Variants in FBXO41 observed in about 807,000 individuals in gnomAD.
The protein encoded by FBXO41 is F-box protein 41.
FBXO41 carries 33 observed loss-of-function variants against 81.6 expected under a neutral mutation model. The observed-to-expected ratio is 0.40, with a 90% CI of 0.31 to 0.54. The LOEUF is 0.54. FBXO41 is among the 20% of genes least tolerant of loss of function. The pLI is 0.39. For synonymous variants in FBXO41, 576 were observed against 552.7 expected (o/e 1.04, Z -0.59); for missense variants, 1,107 against 1,236.0 (o/e 0.90, Z 1.56).
chr2:73,269,156 C>T lies in FBXO41; in HGVS notation c.475G>A (p.Ala159Thr). Residue 159 changes from alanine (A) to threonine (T), a missense_variant, in exon 2 of 13, where the codon GCC (alanine) becomes ACC (threonine). Coordinates refer to ENST00000520530, the MANE Select transcript of FBXO41 (RefSeq NM_001371389.2). The surrounding 1 kb of genome is among the most constrained non-coding windows in gnomAD (Gnocchi z 7.0). ...GCCGAGGACGCCACGGACTTGCGGG[C>T]GAACAGCTCCCCCAGCGGGATCTCG... ...EIEIPLGELF[A>T]RKSVASSACS... 1 of 1,523,360 alleles carries T rather than the reference C, an allele frequency of 6.6e-7. No individual in the cohort carries two copies. Among genetic ancestry groups the T allele is most frequent in the Non-Finnish European group, 8.8e-7 (1 of 1,141,134 alleles). The allele number at this position is 1,523,360 out of a possible 1,614,324, so 94.4% of individuals were successfully genotyped here. A position where few individuals can be genotyped will look rare whatever the true frequency, so the allele number is the denominator to read the frequency against.
rs894891432 is a variant in FBXO41, at chr2:73,265,606, A to T, written c.1240T>A (p.Ser414Thr). The T allele has an allele frequency of 6.6e-7, 1 of 1,525,976 alleles. No individual in the cohort carries two copies. Among genetic ancestry groups the T allele is most frequent in the Admixed American group, 2.1e-5 (1 of 46,850 alleles). 94.5% of individuals were successfully genotyped at this position (1,525,976 alleles called of 1,614,324 possible). A position where few individuals can be genotyped will look rare whatever the true frequency, so the allele number is the denominator to read the frequency against. Residue 414 changes from serine to threonine, a missense_variant, in exon 5 of 13, where the codon TCA (serine) becomes ACA (threonine). Ser to Thr is a moderately conservative substitution (Grantham distance 58). Around this residue, in one of 2 missense-constraint regions of FBXO41, gnomAD observed 771 missense variants for 789.2 expected, o/e 0.98. Coordinates refer to ENST00000520530, the MANE Select transcript of FBXO41 (RefSeq NM_001371389.2). ...AGACTGTCACTGTCATAGCAGCCTGAGCTCTGGGATGCGGCTGGCACACGG... is the reference window on the plus strand; with the variant it reads ...AGACTGTCACTGTCATAGCAGCCTGTGCTCTGGGATGCGGCTGGCACACGG... The part of the protein sequence containing the change: ...SSRVPAASQS[S>T]GCYDSDSLEL...
In FBXO41 at chr2:73,269,128, CACGCCGAGG is replaced by C; in HGVS notation, c.494_502del (p.Ser165_Ala167del). 1 of 1,515,956 alleles carries C rather than the reference CACGCCGAGG, an allele frequency of 6.6e-7. No homozygotes were observed. Among genetic ancestry groups the C allele is most frequent in the Non-Finnish European group, 8.8e-7 (1 of 1,138,868 alleles). The allele number at this position is 1,515,956 out of a possible 1,614,324, so 93.9% of individuals were successfully genotyped here. On this transcript the variant is annotated inframe_deletion, in exon 2 of 13. Coordinates refer to ENST00000520530, the MANE Select transcript of FBXO41 (RefSeq NM_001371389.2). This position sits in a 1 kb window ranked among gnomAD's most constrained non-coding sequence, Gnocchi z 7.0. ...GCCGGGGCCAGGCGGCGGCGTCGAG[CACGCCGAGG>C]ACGCCACGGACTTGCGGGCGAACAG...
Position 73,265,547 on chromosome 2 carries a change from C to A in FBXO41, c.1299G>T (p.Glu433Asp). 6.3e-7 allele frequency: 1 copy of A among 1,586,500 alleles called. No homozygotes were observed. Among genetic ancestry groups the A allele is most frequent in the African/African-American group, 1.3e-5 (1 of 74,280 alleles). ...ELPRPEEGAP[E>D]DSGPGGLGTR... ...TGCCCAAGCCCCCAGGGCCACTGTC[C>A]TCAGGGGCCCCCTCCTCTGGCCTGG... The change falls in exon 5 of 13, where the codon GAG becomes GAT. Residue 433 changes from glutamate to aspartate, a missense_variant. Around this residue, in one of 2 missense-constraint regions of FBXO41, gnomAD observed 771 missense variants for 789.2 expected, o/e 0.98. Transcript: ENST00000520530.
At chr2:73,283,201 T>C (rs1247287564) in intron 1 of FBXO41, among the ~76,000 whole-genome samples, 2 of 152,132 alleles carry the variant, frequency 1.3e-5, no homozygotes, top group East Asian at 3.9e-4. Context: ...AGTAAAGGAA[T>C]GTCCACTGCC....
rs146216935 is a variant in FBXO41, at chr2:73,256,862, C to T, written c.*2120G>A. The T allele has an allele frequency of 1.6e-4, 25 of 152,836 alleles. No individual in the cohort carries two copies. The highest frequency in any genetic ancestry group is 5.8e-4 in the African/African-American group (24 of 41,548). 9.5% of individuals were successfully genotyped at this position (152,836 alleles called of 1,614,324 possible). A position where few individuals can be genotyped will look rare whatever the true frequency, so the allele number is the denominator to read the frequency against. ...GTGTGTACCACCCAGAGAGAAGTTG[C>T]CTAGAGCCTTGTATTCAGGGATGGA... On this transcript the variant is annotated 3_prime_UTR_variant, in exon 13 of 13. Coordinates refer to ENST00000520530, the MANE Select transcript of FBXO41 (RefSeq NM_001371389.2).
intron 9 of FBXO41, among the ~76,000 whole-genome samples, chr2:73,262,234 A>T (rs551494336): frequency 7.1e-4 from 23 of 32,372 alleles, no homozygotes; most frequent in African/African-American, 6.6e-3. Flanking sequence ...AAAACTAAAT[A>T]AAAAAAAAAA....
rs757740063 is a variant in FBXO41 at position 73,265,307 on chromosome 2, C to A, written c.1539G>T (p.Gly513=). Residue 513 remains glycine, a synonymous_variant, in exon 5 of 13, where the codon GGG becomes GGT. Coordinates refer to ENST00000520530, the MANE Select transcript of FBXO41 (RefSeq NM_001371389.2). ...CTGAGAGCCGGCAGCTGCTCAATGG[C>A]CCAGCCATAGCAGGCCCGGGGCGGG... is the stretch of plus-strand genomic sequence containing the variant. ...DAPRPGPAMA[G]PLSSCRLSAR... is the part of the protein sequence containing the mutation. 5.0e-6 allele frequency: 8 copies of A among 1,608,888 alleles called. No homozygotes were observed. Among genetic ancestry groups the A allele is most frequent in the Non-Finnish European group, 6.8e-6 (8 of 1,178,932 alleles).
chr2:73,280,106 C>T (rs1423978688), intron 1 of FBXO41, among the ~76,000 whole-genome samples: 3 of 145,176 alleles, frequency 2.1e-5, no homozygotes, highest in East Asian at 2.3e-4. Flanking sequence ...CCCTGGATAG[C>T]GACCCCCCCT....
At position 73,269,804 on chromosome 2, in the gene FBXO41, T is replaced by A; in HGVS notation, c.-138-36A>T. ...CGCGATGAGTCTTAGGAAGAGGGTA[T>A]CGCTGCTCCCACCCTGGCTCCCAGC... On this transcript the variant is annotated intron_variant, in intron 1 of 12. Transcript: ENST00000520530. This position sits in a 1 kb window ranked among gnomAD's most constrained non-coding sequence, Gnocchi z 7.0. The A allele has an allele frequency of 4.0e-6, 1 of 249,656 alleles. No individual in the cohort carries two copies. The highest frequency in any genetic ancestry group is 7.1e-6 in the Non-Finnish European group (1 of 140,798). 15.5% of individuals were successfully genotyped at this position (249,656 alleles called of 1,614,324 possible). A position where few individuals can be genotyped will look rare whatever the true frequency, so the allele number is the denominator to read the frequency against.
chr2:73,265,412 G>A lies in FBXO41; in HGVS notation c.1434C>T (p.Ser478=), dbSNP rs773663984. The A allele has an allele frequency of 1.2e-6, 2 of 1,610,140 alleles. No individual in the cohort carries two copies. The highest frequency in any genetic ancestry group is 2.2e-5 in the South Asian group (2 of 91,080). Residue 478 remains serine (S), a synonymous_variant, in exon 5 of 13, where the codon AGC becomes AGT. Transcript: ENST00000520530. ...QNWQRRPRRH[S]TEGEEGDVSD... Reference sequence around the variant, plus strand: ...AGACATCACCCTCTTCCCCCTCAGTGCTGTGTCGGCGGGGTCTGCGCTGCC... The same window carrying A: ...AGACATCACCCTCTTCCCCCTCAGTACTGTGTCGGCGGGGTCTGCGCTGCC...
Position 73,263,935 on chromosome 2 carries a change from C to G in FBXO41, c.1922+3G>C. 1 of 1,612,048 alleles carries G rather than the reference C, an allele frequency of 6.2e-7. No individual in the cohort carries two copies. On this transcript the variant is annotated splice_donor_region_variant and intron_variant, in intron 7 of 12. Coordinates refer to ENST00000520530, the MANE Select transcript of FBXO41 (RefSeq NM_001371389.2). ...CCCACCACCCACCCATCGCAGGCCT[C>G]ACCGGGTGCTCCGGGCATACTCCTC...
chr2:73,283,550 G>C (rs539669004), intron 1 of FBXO41, among the ~76,000 whole-genome samples: 1 of 152,344 alleles, frequency 6.6e-6, no homozygotes, highest in East Asian at 1.9e-4. Context: ...CTGGCCGACT[G>C]TGGGCAGTGC....
intron 1 of FBXO41, among the ~76,000 whole-genome samples, chr2:73,276,560 C>CGAGAGAGAGAG (rs1688686448): frequency 1.9e-5 from 2 of 106,418 alleles, no homozygotes; most frequent in African/African-American, 3.9e-5. Context: ...CAAATCTATT[C>CGAGAGAGAGAG]AGAGAGAGAG....
rs1218075531 is a variant in FBXO41, at chr2:73,264,493, C to T, written c.1591G>A (p.Gly531Ser). The T allele has an allele frequency of 1.2e-6, 2 of 1,613,734 alleles. No homozygotes were observed. The highest frequency in any genetic ancestry group is 1.1e-5 in the South Asian group (1 of 91,074). ...SARPEGGSGR[G>S]RRAERVSPSR... is the part of the protein sequence containing the mutation. ...GGGCTGACCCTCTCTGCTCGCCGAC[C>T]CCGCCCACTGCCTCCCTCGGGGCGG... is the stretch of plus-strand genomic sequence containing the variant. The change falls in exon 6 of 13, where the codon GGT becomes AGT. Residue 531 changes from glycine (G) to serine (S), a missense_variant. Gly to Ser is a moderately conservative substitution (Grantham distance 56). Transcript: ENST00000520530.
Position 73,268,857 on chromosome 2 carries a change from G to T in FBXO41, c.774C>A (p.Leu258=). 1.3e-6 allele frequency: 2 copies of T among 1,567,678 alleles called. No individual in the cohort carries two copies. ...LETARQESAR[L]GREKEELEER... ...CCTCCAGCTCCTCCTTCTCGCGCCC[G>T]AGCCTCGCACTCTCCTGCCGCGCAG... The change falls in exon 2 of 13, where the codon CTC becomes CTA. Residue 258 remains leucine, a synonymous_variant. Coordinates refer to ENST00000520530, the MANE Select transcript of FBXO41 (RefSeq NM_001371389.2).
rs995300045 is a variant in FBXO41 at position 73,260,789 on chromosome 2, G to A, written c.2241C>T (p.Ala747=). 2 of 1,566,340 alleles carry A rather than the reference G, an allele frequency of 1.3e-6. No homozygotes were observed. Among genetic ancestry groups the A allele is most frequent in the East Asian group, 2.3e-5 (1 of 42,674 alleles). ...CACAGCCGGCACCCCCGACCCCCAGGGCCCGCAGGTGGGGCCAACAGCGAC... is the reference window on the plus strand; with the variant it reads ...CACAGCCGGCACCCCCGACCCCCAGAGCCCGCAGGTGGGGCCAACAGCGAC... ...MIGRCWPHLR[A]LGVGGAGCGV... The change falls in exon 10 of 13, where the codon GCC becomes GCT. Residue 747 remains alanine, a synonymous_variant. Transcript: ENST00000520530. This position sits in a 1 kb window ranked among gnomAD's most constrained non-coding sequence, Gnocchi z 5.0.
At chr2:73,274,629 T>C (rs1054829788) in intron 1 of FBXO41, among the ~76,000 whole-genome samples, 32 of 152,350 alleles carry the variant, frequency 2.1e-4, no homozygotes, top group African/African-American at 7.5e-4. Flanking sequence ...TTTTTTAGAA[T>C]TAAGGGCTTT....
In FBXO41 at chr2:73,265,972, G is replaced by A. The variant is rs1164570822; in HGVS notation, c.1132-6C>T. 13 of 1,567,676 alleles carry A rather than the reference G, an allele frequency of 8.3e-6. No homozygotes were observed. Among genetic ancestry groups the A allele is most frequent in the Non-Finnish European group, 9.5e-6 (11 of 1,155,368 alleles). On this transcript the variant is annotated splice_region_variant and splice_polypyrimidine_tract_variant and intron_variant, in intron 3 of 12. Coordinates refer to ENST00000520530, the MANE Select transcript of FBXO41 (RefSeq NM_001371389.2). The stretch of plus-strand genomic sequence containing the variant: ...GGGCCCACGTGGTGTTCTCGCTGTG[G>A]GCCCCCAGAGCAGGAGGTAAAGGAG...
chr2:73,263,556 C>T, intron 8 of FBXO41, 122 bp downstream of exon 8: 2 of 1,284,924 alleles, frequency 1.6e-6, no homozygotes, highest in Non-Finnish European at 2.1e-6. Context: ...TCCTTTCCTT[C>T]AGCCATAGAG....
Sources: allele counts gnomAD v4.1 joint callset (sites outside exome capture counted in the v4.1 genomes callset), GRCh38; gene constraint gnomAD v4.1.1; regional missense constraint gnomAD v4.1.1; non-coding constraint Gnocchi (gnomAD v3.1); transcripts MANE v1.5; gene names NCBI Gene and HGNC (gene_info 2026-07-23, HGNC 2026-07-21).